FGF21: variants seen among roughly 807,000 people sequenced by gnomAD.
The protein encoded by FGF21 is fibroblast growth factor 21.
In FGF21, 13 loss-of-function variants were observed where a neutral mutation model predicts 13.4. That is an observed-to-expected ratio of 0.97 (90% confidence interval 0.63 to 1.54). The LOEUF is 1.54. FGF21 is among the 40% of genes most tolerant of loss of function. FGF21 has a pLI of 0.00. For missense variants in FGF21, 303 were observed against 272.4 expected (o/e 1.11, Z -0.79); for synonymous variants, 124 against 123.6 (o/e 1.00, Z -0.02).
At position 48,756,267 on chromosome 19, in the gene FGF21, T is replaced by C; in HGVS notation, c.31T>C (p.Ser11Pro). 6.2e-7 allele frequency: 1 copy of C among 1,614,078 alleles called. No homozygotes were observed. The highest frequency in any genetic ancestry group is 1.6e-4 in the Middle Eastern group (1 of 6,062). MDSDETGFEH[S>P]GLWVSVLAGL... ...CTCGGACGAGACCGGGTTCGAGCACTCAGGACTGTGGGTTTCTGTGCTGGC... is the reference window on the plus strand; with the variant it reads ...CTCGGACGAGACCGGGTTCGAGCACCCAGGACTGTGGGTTTCTGTGCTGGC... The change falls in exon 2 of 4, where the codon TCA (serine) becomes CCA (proline). Residue 11 changes from serine to proline, a missense_variant. Coordinates refer to ENST00000593756, the MANE Select transcript of FGF21 (RefSeq NM_019113.4).
chr19:48,757,056 C>G, intron 3 of FGF21, 27 bp downstream of exon 3: 1 of 1,545,668 alleles, frequency 6.5e-7, no homozygotes, highest in Non-Finnish European at 8.9e-7. Flanking sequence ...CTCCTCACCA[C>G]CCACCATGCT....
chr19:48,756,581 G>T, intron 2 of FGF21, 110 bp downstream of exon 2: 1 of 304,478 alleles, frequency 3.3e-6, no homozygotes. Context: ...TGAGGGAGGA[G>T]GGGCTGGGGA....
chr19:48,756,637 C>T (rs1310742318), intron 2 of FGF21, among the ~76,000 whole-genome samples, 166 bp downstream of exon 2: 4 of 139,936 alleles, frequency 2.9e-5, no homozygotes, highest in African/African-American at 1.1e-4. Context: ...GATCTGGGCC[C>T]CTGGGTCTGA....
At chr19:48,757,684 G>A (rs1165623093) in intron 3 of FGF21, among the ~76,000 whole-genome samples, 3 of 148,922 alleles carry the variant, frequency 2.0e-5, no homozygotes, top group African/African-American at 7.4e-5. Context: ...CTGGGGCCTG[G>A]AACCCCGGGT....
chr19:48,758,119 C>G lies in FGF21; in HGVS notation c.529C>G (p.Pro177Ala). ...LPGLPPALPE[P>A]PGILAPQPPD... ...AGGCCTGCCCCCCGCACTCCCGGAG[C>G]CACCCGGAATCCTGGCCCCCCAGCC... Residue 177 changes from proline to alanine, a missense_variant, in exon 4 of 4, where the codon CCA becomes GCA. Transcript: ENST00000593756. The G allele has an allele frequency of 6.2e-7, 1 of 1,611,354 alleles. No individual in the cohort carries two copies.
At position 48,758,112 on chromosome 19, in the gene FGF21, C is replaced by T. The variant is rs2034141610; in HGVS notation, c.522C>T (p.Leu174=). The T allele has an allele frequency of 3.1e-6, 5 of 1,611,194 alleles. No homozygotes were observed. The African/African-American group carries it at 4.0e-5, about 13-fold the overall frequency. Residue 174 remains leucine, a synonymous_variant, in exon 4 of 4, where the codon CTC becomes CTT. Coordinates refer to ENST00000593756, the MANE Select transcript of FGF21 (RefSeq NM_019113.4). ...CACTACCAGGCCTGCCCCCCGCACT[C>T]CCGGAGCCACCCGGAATCCTGGCCC... The part of the protein sequence containing the change: ...FLPLPGLPPA[L]PEPPGILAPQ...
In FGF21 at chr19:48,755,904, GC is replaced by G. The variant is rs1267775619; in HGVS notation, c.-330del. On this transcript the variant is annotated 5_prime_UTR_variant, in exon 2 of 4. An upstream open reading frame in the 5' UTR loses its in-frame stop. Coordinates refer to ENST00000593756, the MANE Select transcript of FGF21 (RefSeq NM_019113.4). ...CTCATCCCCTAGACCCAGGAGTCTG[GC>G]CCTCCATTGAAAGGACCCCAGGTTA... 2 of 250,316 alleles carry G rather than the reference GC, an allele frequency of 8.0e-6. No homozygotes were observed. The highest frequency in any genetic ancestry group is 1.5e-5 in the Non-Finnish European group (2 of 130,252). The allele number at this position is 250,316 out of a possible 1,614,324, so 15.5% of individuals were successfully genotyped here. A position where few individuals can be genotyped will look rare whatever the true frequency, so the allele number is the denominator to read the frequency against.
chr19:48,756,854 G>A (rs1324171370), intron 2 of FGF21, 72 bp from the exon 3 acceptor site: 10 of 1,205,714 alleles, frequency 8.3e-6, no homozygotes, highest in Non-Finnish European at 1.1e-5. Context: ...CGGATGGTGG[G>A]ACAGAGTCGG....
intron 3 of FGF21, 54 bp from the exon 4 acceptor site, chr19:48,757,876 C>T (rs988028082): frequency 6.7e-7 from 1 of 1,493,166 alleles, no homozygotes; most frequent in East Asian, 2.4e-5. Flanking sequence ...GATCCTGGGT[C>T]TTACATCAGG....
rs753193375 is a variant in FGF21 at position 48,758,238 on chromosome 19, T to C, written c.*18T>C. 6.3e-7 allele frequency: 1 copy of C among 1,579,144 alleles called. No homozygotes were observed. Among genetic ancestry groups the C allele is most frequent in the South Asian group, 1.2e-5 (1 of 86,272 alleles). ...CTTCCTGAAGCCAGAGGCTGTTTAC[T>C]ATGACATCTCCTCTTTATTTATTAG... On this transcript the variant is annotated 3_prime_UTR_variant, in exon 4 of 4. Transcript: ENST00000593756.
Position 48,756,958 on chromosome 19 carries a change from G to A in FGF21, c.268G>A (p.Val90Ile), listed in dbSNP as rs763425401. ...LLQLKALKPG[V>I]IQILGVKTSR... is the part of the protein sequence containing the mutation. Reference sequence around the variant, plus strand: ...GCAGCTGAAAGCCTTGAAGCCGGGAGTTATTCAAATCTTGGGAGTCAAGAC... The same window carrying A: ...GCAGCTGAAAGCCTTGAAGCCGGGAATTATTCAAATCTTGGGAGTCAAGAC... Residue 90 changes from valine (V) to isoleucine (I), a missense_variant, in exon 3 of 4, where the codon GTT becomes ATT. Physicochemically the swap from Val to Ile is conservative, Grantham distance 29. Coordinates refer to ENST00000593756, the MANE Select transcript of FGF21 (RefSeq NM_019113.4). 5 of 1,613,948 alleles carry A rather than the reference G, an allele frequency of 3.1e-6. No homozygotes were observed. The African/African-American group carries it at 4.0e-5, about 13-fold the overall frequency.
rs947937719 is a variant in FGF21 at position 48,757,121 on chromosome 19, G to T, written c.339+92G>T. 46 of 911,756 alleles carry T rather than the reference G, an allele frequency of 5.0e-5. No individual in the cohort carries two copies. The Admixed American group carries it at 9.4e-4, about 19-fold the overall frequency. 56.5% of individuals were successfully genotyped at this position (911,756 alleles called of 1,614,324 possible). On this transcript the variant is annotated intron_variant, in intron 3 of 3. Coordinates refer to ENST00000593756, the MANE Select transcript of FGF21 (RefSeq NM_019113.4). ...GTGCCTTGTCTTGCTCATCCCCCCC[G>T]GAGCCAGACTTGATTCTATTTGCTC...
rs762567273 is a variant in FGF21, at chr19:48,756,241, A to T, written c.5A>T (p.Asp2Val). 1 of 1,612,720 alleles carries T rather than the reference A, an allele frequency of 6.2e-7. No homozygotes were observed. The highest frequency in any genetic ancestry group is 8.5e-7 in the Non-Finnish European group (1 of 1,179,020). Reference sequence around the variant, plus strand: ...ACCTGAGGACCCGAGCCATTGATGGACTCGGACGAGACCGGGTTCGAGCAC... The same window carrying T: ...ACCTGAGGACCCGAGCCATTGATGGTCTCGGACGAGACCGGGTTCGAGCAC... M[D>V]SDETGFEHSG... Residue 2 changes from aspartate to valine, a missense_variant, in exon 2 of 4, where the codon GAC becomes GTC. Transcript: ENST00000593756.
At chr19:48,757,050 T>C in intron 3 of FGF21, 21 bp downstream of exon 3, 1 of 1,578,662 alleles carries the variant, frequency 6.3e-7, no homozygotes. Context: ...AGGACCCTCC[T>C]CACCACCCAC....
intron 3 of FGF21, 57 bp from the exon 4 acceptor site, chr19:48,757,873 G>C: frequency 6.7e-7 from 1 of 1,481,742 alleles, no homozygotes; most frequent in Non-Finnish European, 9.0e-7. Context: ...CTGGATCCTG[G>C]GTCTTACATC....
intron 3 of FGF21, 34 bp downstream of exon 3, chr19:48,757,063 T>C: frequency 6.6e-7 from 1 of 1,525,816 alleles, no homozygotes; most frequent in Non-Finnish European, 9.1e-7. Context: ...CCACCCACCA[T>C]GCTCCTCCTA....
At position 48,756,318 on chromosome 19, in the gene FGF21, G is replaced by A; in HGVS notation, c.82G>A (p.Ala28Thr). The A allele has an allele frequency of 6.2e-7, 1 of 1,614,022 alleles. No homozygotes were observed. The highest frequency in any genetic ancestry group is 8.5e-7 in the Non-Finnish European group (1 of 1,180,024). The part of the protein sequence containing the change: ...LAGLLLGACQ[A>T]HPIPDSSPLL... Reference sequence around the variant, plus strand: ...TGGTCTTCTGCTGGGAGCCTGCCAGGCACACCCCATCCCTGACTCCAGTCC... The same window carrying A: ...TGGTCTTCTGCTGGGAGCCTGCCAGACACACCCCATCCCTGACTCCAGTCC... The change falls in exon 2 of 4, where the codon GCA (alanine) becomes ACA (threonine). Residue 28 changes from alanine to threonine, a missense_variant. Coordinates refer to ENST00000593756, the MANE Select transcript of FGF21 (RefSeq NM_019113.4).
chr19:48,758,270 T>C lies in FGF21; in HGVS notation c.*50T>C, dbSNP rs754264221. On this transcript the variant is annotated 3_prime_UTR_variant, in exon 4 of 4. Transcript: ENST00000593756. ...TCTCCTCTTTATTTATTAGGTTATT[T>C]ATCTTATTTATTTTTTTATTTTTCT... 5.6e-6 allele frequency: 8 copies of C among 1,433,726 alleles called. No individual in the cohort carries two copies. The highest frequency in any genetic ancestry group is 6.5e-6 in the Non-Finnish European group (7 of 1,076,454). The allele number at this position is 1,433,726 out of a possible 1,614,324, so 88.8% of individuals were successfully genotyped here. A position where few individuals can be genotyped will look rare whatever the true frequency, so the allele number is the denominator to read the frequency against.
chr19:48,757,073 A>G (rs369027812), intron 3 of FGF21, 44 bp downstream of exon 3: 7 of 1,473,798 alleles, frequency 4.7e-6, no homozygotes, highest in Admixed American at 1.7e-5. Flanking sequence ...TGCTCCTCCT[A>G]TATGTCGCCC....
Sources: allele counts gnomAD v4.1 joint callset (sites outside exome capture counted in the v4.1 genomes callset), GRCh38; gene constraint gnomAD v4.1.1; transcripts MANE v1.5; gene names NCBI Gene and HGNC (gene_info 2026-07-23, HGNC 2026-07-21).